Variants in LEKR1 observed in about 807,000 individuals in gnomAD.
The protein encoded by LEKR1 is leucine, glutamate and lysine rich 1.
LEKR1 carries 59 observed loss-of-function variants against 72.4 expected under a neutral mutation model. That is an observed-to-expected ratio of 0.82 (90% confidence interval 0.66 to 1.01). LEKR1 has a LOEUF of 1.01. Ranked by LOEUF, LEKR1 falls within the 50% of genes least tolerant of loss-of-function variation. The pLI, the probability that LEKR1 is intolerant of heterozygous loss-of-function variation, is 0.00. For synonymous variants in LEKR1, 257 were observed against 263.2 expected, an observed-to-expected ratio of 0.98 and a Z score of 0.23; for missense variants, 728 against 759.2, an observed-to-expected ratio of 0.96 and a Z score of 0.48.
At chr3:156,957,909 C>A (rs938352258) in intron 6 of LEKR1, among the ~76,000 whole-genome samples, 2 of 151,980 alleles carry the variant, frequency 1.3e-5, no homozygotes, top group African/African-American at 4.8e-5. Flanking sequence ...CATGCCTGAC[C>A]CCACATAATT....
chr3:156,838,565 A>G, intron 2 of LEKR1, among the ~76,000 whole-genome samples: 1 of 152,192 alleles, frequency 6.6e-6, no homozygotes, highest in East Asian at 1.9e-4. Context: ...AGCCAAACCA[A>G]CTGGGAGAAG....
At chr3:156,944,814 T>G (rs1312771686) in intron 6 of LEKR1, among the ~76,000 whole-genome samples, 1 of 151,792 alleles carries the variant, frequency 6.6e-6, no homozygotes. Context: ...TATGTGTTCA[T>G]TTGTTGATGG....
chr3:156,876,316 C>CT (rs1228964191), intron 3 of LEKR1, among the ~76,000 whole-genome samples: 1 of 151,892 alleles, frequency 6.6e-6, no homozygotes, highest in Non-Finnish European at 1.5e-5. Context: ...CTGTGCAGGT[C>CT]TTTTTTTGGT....
chr3:156,863,996 A>G (rs1241344020), intron 3 of LEKR1, among the ~76,000 whole-genome samples: 1 of 152,022 alleles, frequency 6.6e-6, no homozygotes, highest in African/African-American at 2.4e-5. Context: ...TCAGCAAGAA[A>G]TCTTCATGTG....
In LEKR1 at chr3:156,969,620, G is replaced by A. The variant is rs192968363; in HGVS notation, c.746-9574G>A. The stretch of plus-strand genomic sequence containing the variant: ...ACCAATAACAGGCTCTGAAATTGGG[G>A]CAATAATGAATAGCTTACCAACCAA... On this transcript the variant is annotated intron_variant, in intron 6 of 12. Coordinates refer to ENST00000356539, the MANE Select transcript of LEKR1 (RefSeq NM_001004316.3). Among the ~76,000 whole-genome samples the A allele has an allele frequency of 3.4e-3, 518 of 152,228 alleles. 6 individuals carry two copies. Among genetic ancestry groups the A allele is most frequent in the Admixed American group, 0.025 (378 of 15,292 alleles).
intron 2 of LEKR1, 69 bp from the exon 3 acceptor site, chr3:156,852,699 C>A: frequency 1.4e-6 from 1 of 734,954 alleles, no homozygotes; most frequent in Non-Finnish European, 2.2e-6. Context: ...AGCATGGCTA[C>A]AATATCTTCA....
At chr3:156,932,785 A>C (rs4458324) in intron 5 of LEKR1, among the ~76,000 whole-genome samples, 127,299 of 150,956 alleles carry the variant, frequency 0.84, 53,837 homozygotes, top group African/African-American at 0.91. Context: ...AATCCCGGCA[A>C]TTTGGGAGGC....
chr3:156,953,807 T>A (rs1727383607), intron 6 of LEKR1, among the ~76,000 whole-genome samples: 1 of 151,982 alleles, frequency 6.6e-6, no homozygotes, highest in African/African-American at 2.4e-5. Context: ...TTTGCTATTG[T>A]GAATAGTGCT....
At chr3:156,997,313 T>G (rs1560135725) in intron 9 of LEKR1, among the ~76,000 whole-genome samples, 1 of 152,236 alleles carries the variant, frequency 6.6e-6, no homozygotes, top group South Asian at 2.1e-4. Flanking sequence ...ACTGACCCTG[T>G]CTCAGCTTAG....
intron 3 of LEKR1, among the ~76,000 whole-genome samples, chr3:156,886,823 A>G (rs1294674006): frequency 6.6e-6 from 1 of 152,206 alleles, no homozygotes; most frequent in African/African-American, 2.4e-5. Flanking sequence ...TGCTTCCTTC[A>G]AAGGATCTGT....
chr3:156,867,265 A>G (rs750023861), intron 3 of LEKR1, among the ~76,000 whole-genome samples: 6 of 152,138 alleles, frequency 3.9e-5, no homozygotes, highest in Non-Finnish European at 5.9e-5. Context: ...TGTAGTCCAA[A>G]TTGGAAACTT....
rs1715546609 is a variant in LEKR1, at chr3:156,852,862, A to G, written c.143A>G (p.Glu48Gly). The G allele has an allele frequency of 2.0e-6, 3 of 1,534,494 alleles. No individual in the cohort carries two copies. The Admixed American group carries it at 5.9e-5, about 30-fold the overall frequency. ...ATGGAAGAAAAAGTGAAAGCAATGGAAAAAGAGATGAAATTTTATCAAGGA... is the reference window on the plus strand; with the variant it reads ...ATGGAAGAAAAAGTGAAAGCAATGGGAAAAGAGATGAAATTTTATCAAGGA... ...KAMEEKVKAM[E>G]KEMKFYQGSV... is the part of the protein sequence containing the mutation. Residue 48 changes from glutamate (E) to glycine (G), a missense_variant, in exon 3 of 13, where the codon GAA becomes GGA. Transcript: ENST00000356539.
chr3:156,955,554 A>G (rs534673191), intron 6 of LEKR1, among the ~76,000 whole-genome samples: 1 of 152,196 alleles, frequency 6.6e-6, no homozygotes, highest in African/African-American at 2.4e-5. Flanking sequence ...TTTAACATAA[A>G]GGGATGTTGA....
At chr3:157,013,294 AG>A (rs2108024407) in intron 10 of LEKR1, among the ~76,000 whole-genome samples, 1 of 152,164 alleles carries the variant, frequency 6.6e-6, no homozygotes, top group South Asian at 2.1e-4. Context: ...ACACCCCACT[AG>A]GGGTTTTCAG....
At position 157,024,920 on chromosome 3, in the gene LEKR1, T is replaced by C. The variant is rs769339415; in HGVS notation, c.1364T>C (p.Met455Thr). ...KYKKEQEELQ[M>T]KISDLITGAT... ...AAGAAAGAACAAGAGGAACTACAAA[T>C]GAAGGTCTGTAATTATGATGTTCAT... is the stretch of plus-strand genomic sequence containing the variant. The change falls in exon 11 of 13, where the codon ATG becomes ACG. Residue 455 changes from methionine to threonine, a missense_variant. Transcript: ENST00000356539. 2.5e-6 allele frequency: 4 copies of C among 1,574,432 alleles called. No homozygotes were observed. The highest frequency in any genetic ancestry group is 2.7e-5 in the African/African-American group (2 of 72,988).
At chr3:156,911,062 T>A (rs1054243052) in intron 3 of LEKR1, among the ~76,000 whole-genome samples, 1 of 152,228 alleles carries the variant, frequency 6.6e-6, no homozygotes, top group Non-Finnish European at 1.5e-5. Context: ...ATTGTGGTTT[T>A]GATTTACATT....
intron 3 of LEKR1, among the ~76,000 whole-genome samples, chr3:156,905,401 G>A (rs531164815): frequency 6.6e-6 from 1 of 152,202 alleles, no homozygotes; most frequent in African/African-American, 2.4e-5. Flanking sequence ...ATATAAATGG[G>A]TGTCATGTTA....
chr3:156,872,803 T>A (rs867886196), intron 3 of LEKR1, among the ~76,000 whole-genome samples: 2 of 152,022 alleles, frequency 1.3e-5, no homozygotes, highest in Middle Eastern at 3.2e-3. Context: ...TGGTTTGAGA[T>A]GATACTTGAT....
At chr3:157,035,959 T>C (rs941440763) in intron 12 of LEKR1, among the ~76,000 whole-genome samples, 8 of 152,146 alleles carry the variant, frequency 5.3e-5, no homozygotes, top group Non-Finnish European at 8.8e-5. Context: ...TCCAATGAAA[T>C]GGCTATATCC....
Sources: gnomAD v4.1 joint callset for allele counts (sites outside exome capture counted in the v4.1 genomes callset) on GRCh38, gnomAD v4.1.1 for gene constraint, MANE v1.5 for transcripts, NCBI Gene and HGNC (gene_info 2026-07-23, HGNC 2026-07-21) for gene names.